The following FAM184B variants were observed in gnomAD, a reference collection of about 807,000 sequenced individuals.
The protein encoded by FAM184B is family with sequence similarity 184 member B.
Under a neutral mutation model 135.9 loss-of-function variants are expected in FAM184B, and 111 were observed. The ratio of observed to expected loss-of-function variants is 0.82; its 90% CI spans 0.70 to 0.96. FAM184B has a LOEUF of 0.96. FAM184B is among the 40% of genes least tolerant of loss of function. FAM184B has a pLI of 0.00. For synonymous variants in FAM184B, 552 were observed against 524.8 expected (o/e 1.05, Z -0.71); for missense variants, 1,375 against 1,323.9 (o/e 1.04, Z -0.60).
rs187851884 is a variant in FAM184B, at chr4:17,774,265, G to T, written c.141+6894C>A. Among the ~76,000 whole-genome samples, 11 of 152,302 alleles carry T rather than the reference G, an allele frequency of 7.2e-5. No homozygotes were observed. In the East Asian group the frequency reaches 1.9e-3, roughly 27 times the overall value. Reference sequence around the variant, plus strand: ...CGCCTGTAGTCCCAGCTACTGGGGAGGCTGAGGTGGGAAGATGGTTTGAGC... The same window carrying T: ...CGCCTGTAGTCCCAGCTACTGGGGATGCTGAGGTGGGAAGATGGTTTGAGC... On this transcript the variant is annotated intron_variant, in intron 1 of 17. Transcript: ENST00000265018.
intron 13 of FAM184B, among the ~76,000 whole-genome samples, chr4:17,639,729 A>T (rs1417783359): frequency 3.3e-5 from 5 of 152,082 alleles, no homozygotes; most frequent in African/African-American, 1.2e-4. Context: ...GGGAGGCAAG[A>T]GGCTGAGATT....
intron 11 of FAM184B, 118 bp from the exon 12 acceptor site, chr4:17,647,909 G>T (rs1296782013): frequency 1.7e-6 from 2 of 1,168,592 alleles, no homozygotes; most frequent in Non-Finnish European, 2.4e-6. Flanking sequence ...AAGGCTTGTG[G>T]TGGGTTAGGT....
intron 1 of FAM184B, among the ~76,000 whole-genome samples, chr4:17,739,275 C>A (rs1167711303): frequency 6.6e-6 from 1 of 152,138 alleles, no homozygotes; most frequent in African/African-American, 2.4e-5. Context: ...ATGGCGGATC[C>A]CCTTCCAGGC....
At chr4:17,719,398 T>C (rs1457109125) in intron 1 of FAM184B, among the ~76,000 whole-genome samples, 1 of 152,252 alleles carries the variant, frequency 6.6e-6, no homozygotes, top group Admixed American at 6.5e-5. Context: ...TTAAAACTTA[T>C]GAATTGTTTA....
intron 1 of FAM184B, among the ~76,000 whole-genome samples, chr4:17,725,182 G>C (rs1441155204): frequency 6.6e-6 from 1 of 152,118 alleles, no homozygotes; most frequent in Admixed American, 6.5e-5. Flanking sequence ...AGTAGGGACT[G>C]TTTGTTACTC....
intron 12 of FAM184B, among the ~76,000 whole-genome samples, chr4:17,644,690 C>T (rs1715414627): frequency 6.6e-6 from 1 of 152,266 alleles, no homozygotes; most frequent in South Asian, 2.1e-4. Flanking sequence ...GATAGGGATG[C>T]CCTCTCTCAC....
intron 1 of FAM184B, among the ~76,000 whole-genome samples, chr4:17,744,626 A>G (rs1341275188): frequency 6.6e-6 from 1 of 151,854 alleles, no homozygotes; most frequent in African/African-American, 2.4e-5. Context: ...AGGCTGAGGC[A>G]GGAGAATAGC....
At chr4:17,714,857 T>A (rs1717373186) in intron 1 of FAM184B, among the ~76,000 whole-genome samples, 1 of 152,102 alleles carries the variant, frequency 6.6e-6, no homozygotes, top group African/African-American at 2.4e-5. Context: ...CATGTTCACA[T>A]GGAGCCACAG....
intron 8 of FAM184B, among the ~76,000 whole-genome samples, chr4:17,661,363 C>T (rs891627891): frequency 1.5e-4 from 23 of 152,054 alleles, no homozygotes; most frequent in African/African-American, 5.6e-4. Flanking sequence ...CCAGCCTGGC[C>T]AACATGGTGA....
chr4:17,679,063 A>G (rs1042462933), intron 7 of FAM184B, among the ~76,000 whole-genome samples: 1 of 152,246 alleles, frequency 6.6e-6, no homozygotes, highest in African/African-American at 2.4e-5. Flanking sequence ...TAAGACCCAA[A>G]ACCATAAAAA....
intron 7 of FAM184B, among the ~76,000 whole-genome samples, chr4:17,672,648 G>T (rs945868191): frequency 9.2e-5 from 14 of 152,110 alleles, no homozygotes; most frequent in Admixed American, 7.2e-4. Context: ...TGTGATTTTT[G>T]GTTTTAATTC....
intron 1 of FAM184B, among the ~76,000 whole-genome samples, chr4:17,766,882 C>T (rs1022835081): frequency 1.3e-5 from 2 of 152,168 alleles, no homozygotes; most frequent in African/African-American, 2.4e-5. Context: ...GGGGAGGCTC[C>T]GGCCGCACAG....
At chr4:17,647,848 C>A (rs1226393417) in intron 11 of FAM184B, 57 bp from the exon 12 acceptor site, 24 of 1,496,184 alleles carry the variant, frequency 1.6e-5, no homozygotes, top group South Asian at 2.5e-5. Context: ...AAGCCTGTGT[C>A]ATGGGGACAA....
intron 7 of FAM184B, among the ~76,000 whole-genome samples, chr4:17,674,145 T>C (rs1212873778): frequency 6.6e-6 from 1 of 151,608 alleles, no homozygotes; most frequent in African/African-American, 2.4e-5. Context: ...ATTACTGTAA[T>C]AGTAGTGTGC....
At position 17,709,111 on chromosome 4, in the gene FAM184B, G is replaced by T; in HGVS notation, c.675C>A (p.Tyr225Ter). ...GCCGGATGGCCTCGTTTTCCCTCTC[G>T]TAGGTGGCCTGCAGCTCCTCGGCCT... Reference protein sequence around the residue: ...ARKAEELQATYERENEAIRQA... With the variant: ...ARKAEELQAT Residue 225 changes from tyrosine to a stop codon, truncating the protein, a stop_gained, in exon 2 of 18, where the codon TAC becomes TAA. Coordinates refer to ENST00000265018, the MANE Select transcript of FAM184B (RefSeq NM_015688.2). LOFTEE classifies it high-confidence loss of function. 1 of 1,549,320 alleles carries T rather than the reference G, an allele frequency of 6.5e-7. No homozygotes were observed. The highest frequency in any genetic ancestry group is 8.7e-7 in the Non-Finnish European group (1 of 1,146,966).
chr4:17,739,399 AC>A (rs1306319613), intron 1 of FAM184B, among the ~76,000 whole-genome samples: 1 of 151,936 alleles, frequency 6.6e-6, no homozygotes, highest in East Asian at 1.9e-4. Flanking sequence ...TGACACCTAC[AC>A]AACATCTCCA....
chr4:17,664,595 GCTGCTAA>G lies in FAM184B; in HGVS notation c.1654_1660del (p.Ala553LysfsTer30). ...TTCATCACTGCTGGTTCCTTCTTCA[GCTGCTAA>G]CTTATCTTGATACTCCTCTCCTCTC... On this transcript the variant is annotated frameshift_variant, in exon 8 of 18. Coordinates refer to ENST00000265018, the MANE Select transcript of FAM184B (RefSeq NM_015688.2). LOFTEE classifies it high-confidence loss of function. 4.5e-6 allele frequency: 7 copies of G among 1,551,192 alleles called. No homozygotes were observed. The highest frequency in any genetic ancestry group is 6.1e-6 in the Non-Finnish European group (7 of 1,146,938).
intron 1 of FAM184B, among the ~76,000 whole-genome samples, chr4:17,717,841 C>T (rs1717430139): frequency 6.6e-6 from 1 of 151,970 alleles, no homozygotes; most frequent in African/African-American, 2.4e-5. Context: ...GTATGACATT[C>T]ACTGGGCCAG....
chr4:17,764,765 A>C (rs925485469), intron 1 of FAM184B, among the ~76,000 whole-genome samples: 2 of 152,216 alleles, frequency 1.3e-5, no homozygotes, highest in African/African-American at 2.4e-5. Flanking sequence ...GGGAGCTTGC[A>C]TTAAAATGCA....
Sources: allele counts gnomAD v4.1 joint callset (sites outside exome capture counted in the v4.1 genomes callset), GRCh38; gene constraint gnomAD v4.1.1; transcripts MANE v1.5; gene names NCBI Gene and HGNC (gene_info 2026-07-23, HGNC 2026-07-21).